DRICH1: variants seen among roughly 807,000 people sequenced by gnomAD.
DRICH1 encodes aspartate rich 1.
A neutral mutation model predicts 39.5 loss-of-function variants in DRICH1; 38 were observed. The ratio of observed to expected loss-of-function variants is 0.96; its 90% CI spans 0.74 to 1.26. DRICH1 has a LOEUF of 1.26. Among genes scored for constraint, DRICH1 ranks in the 50% most tolerant of loss-of-function variants. DRICH1 has a pLI of 0.00. For missense variants in DRICH1, 279 were observed against 270.4 expected (o/e 1.03, Z -0.22); for synonymous variants, 84 against 99.5 (o/e 0.84, Z 0.93).
chr22:23,620,247 A>C (rs1222402091), intron 5 of DRICH1, among the ~76,000 whole-genome samples: 1 of 152,114 alleles, frequency 6.6e-6, no homozygotes, highest in African/African-American at 2.4e-5. Context: ...ATGCTGTTTT[A>C]TTAGATCCCA....
At chr22:23,615,179 G>A (rs1405373901) in intron 8 of DRICH1, among the ~76,000 whole-genome samples, 1 of 152,148 alleles carries the variant, frequency 6.6e-6, no homozygotes, top group Non-Finnish European at 1.5e-5. Context: ...TTCATGACCA[G>A]CCTGGCCAAC....
At chr22:23,601,957 T>C in the DRICH1 span, among the ~76,000 whole-genome samples, 1 of 151,120 alleles carries the variant, frequency 6.6e-6, no homozygotes, top group African/African-American at 2.4e-5. Flanking sequence ...ATCCCAGCAC[T>C]GTGGGAGGCT....
the DRICH1 span, among the ~76,000 whole-genome samples, chr22:23,603,174 A>C: frequency 7.9e-5 from 12 of 151,962 alleles, no homozygotes; most frequent in East Asian, 2.3e-3. Context: ...CCCCAAAACA[A>C]ATTTCTCGAA....
chr22:23,631,330 C>T (rs1415048838), intron 1 of DRICH1, among the ~76,000 whole-genome samples: 1 of 151,892 alleles, frequency 6.6e-6, no homozygotes, highest in East Asian at 1.9e-4. Context: ...GCTAGAGAAT[C>T]GCTTGAACCC....
At chr22:23,625,790 C>G (rs1419331859) in intron 2 of DRICH1, among the ~76,000 whole-genome samples, 191 bp downstream of exon 2, 1 of 152,120 alleles carries the variant, frequency 6.6e-6, no homozygotes, top group Non-Finnish European at 1.5e-5. Flanking sequence ...GACCTGCACA[C>G]TCGGGGATAA....
the DRICH1 span, among the ~76,000 whole-genome samples, chr22:23,593,726 G>A: frequency 1.3e-5 from 2 of 152,106 alleles, no homozygotes; most frequent in African/African-American, 4.8e-5. Flanking sequence ...AACCTAGGAG[G>A]CAGAGGTTGC....
At chr22:23,581,205 A>G in the DRICH1 span, 1 of 152,220 alleles carries the variant, frequency 6.6e-6, no homozygotes, top group Non-Finnish European at 1.5e-5. Context: ...ATTCTTATAG[A>G]TTTCACTCAA....
Position 23,624,779 on chromosome 22 carries a change from C to T in DRICH1, c.298+104G>A, listed in dbSNP as rs1927959698. ...ATACACTCGCAGAATCATTTGCTCTCACCAGACCCCCAATATTTTTTAACA... is the reference window on the plus strand; with the variant it reads ...ATACACTCGCAGAATCATTTGCTCTTACCAGACCCCCAATATTTTTTAACA... On this transcript the variant is annotated intron_variant, in intron 3 of 11. Coordinates refer to ENST00000317749, the MANE Select transcript of DRICH1 (RefSeq NM_016449.4). 2.2e-6 allele frequency: 3 copies of T among 1,359,724 alleles called. No homozygotes were observed. The Admixed American group carries it at 5.1e-5, about 23-fold the overall frequency. The allele number at this position is 1,359,724 out of a possible 1,614,324, so 84.2% of individuals were successfully genotyped here.
At chr22:23,601,754 A>C in the DRICH1 span, among the ~76,000 whole-genome samples, 1 of 152,348 alleles carries the variant, frequency 6.6e-6, no homozygotes, top group South Asian at 2.1e-4. Context: ...CTGCATGAGA[A>C]GCTGCAATTA....
At chr22:23,603,544 C>T (rs567257048), downstream of DRICH1, among the ~76,000 whole-genome samples, 13 of 152,168 alleles carry the variant, frequency 8.5e-5, no homozygotes, top group Non-Finnish European at 1.5e-4. Flanking sequence ...AAAGGCGGGC[C>T]ACAAGGACCC....
chr22:23,618,113 C>CTTTTTTTTTTT (rs368348650), intron 6 of DRICH1, among the ~76,000 whole-genome samples: 84 of 127,310 alleles, frequency 6.6e-4, no homozygotes, highest in African/African-American at 2.2e-3. Flanking sequence ...ATCACACATT[C>CTTTTTTTTTTT]TTTTTTTTTT....
intron 5 of DRICH1, among the ~76,000 whole-genome samples, chr22:23,620,221 A>C (rs569157070): frequency 6.6e-6 from 1 of 152,184 alleles, no homozygotes; most frequent in Non-Finnish European, 1.5e-5. Flanking sequence ...CAGATATAAC[A>C]TGAAGGTTCC....
intron 6 of DRICH1, 75 bp from the exon 7 acceptor site, chr22:23,617,732 G>A (rs1927449267): frequency 7.1e-7 from 1 of 1,404,034 alleles, no homozygotes; most frequent in East Asian, 2.3e-5. Flanking sequence ...TTTGCTGGAT[G>A]TGGTATATGG....
At chr22:23,625,386 G>A (rs1035196004) in intron 2 of DRICH1, among the ~76,000 whole-genome samples, 14 of 151,630 alleles carry the variant, frequency 9.2e-5, no homozygotes, top group African/African-American at 2.7e-4. Context: ...AACACAAACT[G>A]TCTTGAACCA....
At chr22:23,587,773 A>G in the DRICH1 span, among the ~76,000 whole-genome samples, 1 of 151,634 alleles carries the variant, frequency 6.6e-6, no homozygotes, top group Admixed American at 6.6e-5. Flanking sequence ...TGTGACAAAG[A>G]CTCTCTCCTT....
At chr22:23,594,030 T>C in the DRICH1 span, among the ~76,000 whole-genome samples, 2 of 150,316 alleles carry the variant, frequency 1.3e-5, no homozygotes, top group Non-Finnish European at 3.0e-5. Flanking sequence ...TAAGGGACTA[T>C]GGGACACCAT....
At chr22:23,585,373 A>G in the DRICH1 span, among the ~76,000 whole-genome samples, 14 of 152,118 alleles carry the variant, frequency 9.2e-5, no homozygotes, top group Non-Finnish European at 1.3e-4. Context: ...TCCTGAACTC[A>G]AGATCCTCCC....
chr22:23,619,753 C>T (rs530272150), intron 5 of DRICH1, among the ~76,000 whole-genome samples: 43 of 152,344 alleles, frequency 2.8e-4, no homozygotes, highest in African/African-American at 9.9e-4. Flanking sequence ...CCCTCCATTT[C>T]CAAGACACTG....
the DRICH1 span, among the ~76,000 whole-genome samples, chr22:23,588,835 A>G: frequency 0.63 from 96,052 of 151,984 alleles, 30,658 homozygotes; most frequent in African/African-American, 0.7. Flanking sequence ...AGGGGACTGT[A>G]GGAAACTTAG....
Sources: allele counts gnomAD v4.1 joint callset (sites outside exome capture counted in the v4.1 genomes callset), GRCh38; gene constraint gnomAD v4.1.1; transcripts MANE v1.5; gene names NCBI Gene and HGNC (gene_info 2026-07-23, HGNC 2026-07-21).